Variants in SKAP2 observed in about 807,000 individuals in gnomAD.
SKAP2 encodes src kinase-associated phosphoprotein 2.
SKAP2 carries 28 observed loss-of-function variants against 54.9 expected under a neutral mutation model. The observed-to-expected ratio is 0.51, with a 90% CI of 0.38 to 0.70. The LOEUF (loss-of-function observed/expected upper bound fraction) is 0.70. Among genes scored for constraint, SKAP2 ranks in the 30% least tolerant of loss-of-function variants. SKAP2 has a pLI of 0.00. For missense variants in SKAP2, 356 were observed against 424.1 expected (o/e 0.84, Z 1.41); for synonymous variants, 137 against 134.3 (o/e 1.02, Z -0.14).
At chr7:26,658,587 T>G in the SKAP2 span, among the ~76,000 whole-genome samples, 1 of 152,154 alleles carries the variant, frequency 6.6e-6, no homozygotes, top group Non-Finnish European at 1.5e-5. Context: ...ACATGTTTAC[T>G]GAGGATGGTG....
At chr7:26,846,810 G>A (rs1014714026) in intron 3 of SKAP2, among the ~76,000 whole-genome samples, 3 of 152,074 alleles carry the variant, frequency 2.0e-5, no homozygotes, top group African/African-American at 7.2e-5. Context: ...GCAAAACCCC[G>A]TCTCCACTAA....
At chr7:26,804,554 T>C (rs2769363) in intron 4 of SKAP2, among the ~76,000 whole-genome samples, 95,332 of 151,784 alleles carry the variant, frequency 0.63, 30,431 homozygotes, top group East Asian at 0.9. Context: ...TCCTGGCTAA[T>C]GTGGTGAAAC....
In SKAP2 at chr7:26,668,635, TTTACTTTGA is replaced by T. The variant is rs1463142421; in HGVS notation, c.*1022_*1030del. 6.6e-6 allele frequency: 1 copy of T among 152,168 alleles called. No homozygotes were observed. Among genetic ancestry groups the T allele is most frequent in the Admixed American group, 6.6e-5 (1 of 15,254 alleles). 9.4% of individuals were successfully genotyped at this position (152,168 alleles called of 1,614,324 possible). On this transcript the variant is annotated 3_prime_UTR_variant, in exon 13 of 13. Transcript: ENST00000345317. ...ATAAGAGAGTGCTTGGTTATGCCTT[TTTACTTTGA>T]GAATACACTGAGATTCTGTTTTTTT...
chr7:26,751,996 G>A (rs184847222), intron 4 of SKAP2, among the ~76,000 whole-genome samples: 4 of 152,194 alleles, frequency 2.6e-5, no homozygotes, highest in Admixed American at 2.6e-4. Flanking sequence ...TAGGAGAATT[G>A]GGGTGAAAGG....
intron 4 of SKAP2, among the ~76,000 whole-genome samples, chr7:26,820,626 T>C (rs184204579): frequency 6.6e-5 from 10 of 152,222 alleles, no homozygotes; most frequent in Non-Finnish European, 8.8e-5. Context: ...AAATTTAACA[T>C]AGGTCAACAC....
At chr7:26,821,646 C>T (rs908573278) in intron 4 of SKAP2, among the ~76,000 whole-genome samples, 3 of 152,158 alleles carry the variant, frequency 2.0e-5, no homozygotes, top group Non-Finnish European at 2.9e-5. Flanking sequence ...TCTCAATACT[C>T]CTTCAAGCTC....
chr7:26,757,732 G>A (rs1319751657), intron 4 of SKAP2, among the ~76,000 whole-genome samples: 1 of 152,124 alleles, frequency 6.6e-6, no homozygotes, highest in Non-Finnish European at 1.5e-5. Context: ...TAGCTTGATG[G>A]GGATGGCATT....
intron 9 of SKAP2, among the ~76,000 whole-genome samples, chr7:26,722,484 C>T (rs1236989873): frequency 1.3e-5 from 2 of 151,120 alleles, no homozygotes; most frequent in South Asian, 2.1e-4. Context: ...CTCCGCCTCC[C>T]GGATTCAAGT....
At chr7:26,776,774 A>G (rs1431023094) in intron 4 of SKAP2, among the ~76,000 whole-genome samples, 2 of 152,148 alleles carry the variant, frequency 1.3e-5, no homozygotes, top group Non-Finnish European at 2.9e-5. Flanking sequence ...CACCTATCAC[A>G]AATCTGATAT....
intron 4 of SKAP2, among the ~76,000 whole-genome samples, chr7:26,834,875 T>A (rs940283980): frequency 9.9e-5 from 15 of 152,082 alleles, no homozygotes; most frequent in African/African-American, 3.6e-4. Flanking sequence ...TACCAAAACC[T>A]GGCAGGGACA....
chr7:26,684,764 C>T lies in SKAP2; in HGVS notation c.959G>A (p.Arg320His), dbSNP rs747450045. 3.7e-6 allele frequency: 6 copies of T among 1,611,712 alleles called. No homozygotes were observed. The highest frequency in any genetic ancestry group is 1.7e-5 in the Admixed American group (1 of 59,988). ...GCTAAGAATGTAAATCACATCACCA[C>T]GCTTAAATGACAACTCATCAGAAAA... is the stretch of plus-strand genomic sequence containing the variant. Reference protein sequence around the residue: ...GAFSDELSFKRGDVIYILSKE... With the variant: ...GAFSDELSFKHGDVIYILSKE... The change falls in exon 11 of 13, where the codon CGT becomes CAT. Residue 320 changes from arginine (R) to histidine (H), a missense_variant. Coordinates refer to ENST00000345317, the MANE Select transcript of SKAP2 (RefSeq NM_003930.5).
chr7:26,847,963 T>C (rs1302814231), intron 3 of SKAP2: 1 of 152,192 alleles, frequency 6.6e-6, no homozygotes, highest in Non-Finnish European at 1.5e-5. Context: ...GATACAAAGT[T>C]AACAGAATAA....
At chr7:26,857,310 T>TAAAAAAAAAAAGAAAAAAA (rs1785185416) in intron 1 of SKAP2, 1 of 91,018 alleles carries the variant, frequency 1.1e-5, no homozygotes, top group African/African-American at 4.8e-5. Context: ...CTGCTTTGCT[T>TAAAAAAAAAAAGAAAAAAA]AAAAAAAAAA....
At chr7:26,717,227 T>C (rs1211162985) in intron 9 of SKAP2, among the ~76,000 whole-genome samples, 2 of 152,008 alleles carry the variant, frequency 1.3e-5, no homozygotes, top group African/African-American at 4.8e-5. Flanking sequence ...TAAGCAGGCA[T>C]TGGCCTGGCA....
chr7:26,759,749 T>C (rs963470321), intron 4 of SKAP2, among the ~76,000 whole-genome samples: 6 of 152,172 alleles, frequency 3.9e-5, no homozygotes, highest in African/African-American at 9.7e-5. Flanking sequence ...TTGTTGATTA[T>C]TGTAGAATGC....
chr7:26,656,865 A>G, the SKAP2 span, among the ~76,000 whole-genome samples: 35 of 152,144 alleles, frequency 2.3e-4, no homozygotes, highest in African/African-American at 8.2e-4. Context: ...CCTTCTACAA[A>G]AGCAAGCACC....
At chr7:26,780,102 C>A in intron 4 of SKAP2, among the ~76,000 whole-genome samples, 1 of 152,038 alleles carries the variant, frequency 6.6e-6, no homozygotes. Context: ...GCCAAACTGG[C>A]CTGTTTCATC....
intron 6 of SKAP2, among the ~76,000 whole-genome samples, chr7:26,727,900 G>C (rs1243832924): frequency 6.6e-6 from 1 of 152,100 alleles, no homozygotes; most frequent in Non-Finnish European, 1.5e-5. Context: ...CATGAGTAGG[G>C]ACAAACTCTT....
At chr7:26,676,941 T>A (rs1786362702) in intron 11 of SKAP2, among the ~76,000 whole-genome samples, 1 of 152,222 alleles carries the variant, frequency 6.6e-6, no homozygotes, top group Admixed American at 6.5e-5. Flanking sequence ...AAGAATGTGC[T>A]GTGTTCAGTG....
Sources: gnomAD v4.1 joint callset for allele counts (sites outside exome capture counted in the v4.1 genomes callset) on GRCh38, gnomAD v4.1.1 for gene constraint, MANE v1.5 for transcripts, NCBI Gene and HGNC (gene_info 2026-07-23, HGNC 2026-07-21) for gene names.